The following MYH13 variants were observed in gnomAD, a reference collection of about 807,000 sequenced individuals.
MYH13 encodes myosin heavy chain 13.
Under a neutral mutation model 232.1 loss-of-function variants are expected in MYH13, and 177 were observed. The observed-to-expected ratio is 0.76, with a 90% CI of 0.67 to 0.86. MYH13 has a LOEUF of 0.86. MYH13 is among the 40% of genes least tolerant of loss of function. MYH13 has a pLI of 0.00. For missense variants in MYH13, 2,246 were observed against 2,405.9 expected, an observed-to-expected ratio of 0.93 and a Z score of 1.39; for synonymous variants, 884 against 923.5, an observed-to-expected ratio of 0.96 and a Z score of 0.78.
chr17:10,315,746 C>T lies in MYH13; in HGVS notation c.3931G>A (p.Ala1311Thr). ...AGCTCCTCCAGCTGCTGGGTGAGGG[C>T]CTGCTTGCTTTTGGTCAGCTGTGAA... ...LISQLTKSKQ[A>T]LTQQLEELKR... is the part of the protein sequence containing the mutation. Residue 1311 changes from alanine (A) to threonine (T), a missense_variant, in exon 29 of 41, where the codon GCC (alanine) becomes ACC (threonine). Physicochemically the swap from Ala to Thr is moderately conservative, Grantham distance 58. Coordinates refer to ENST00000252172, the MANE Select transcript of MYH13 (RefSeq NM_003802.3). The T allele has an allele frequency of 1.9e-6, 3 of 1,613,998 alleles. No homozygotes were observed. Among genetic ancestry groups the T allele is most frequent in the Non-Finnish European group, 2.5e-6 (3 of 1,179,898 alleles).
chr17:10,314,369 C>G (rs1174342936), intron 29 of MYH13, among the ~76,000 whole-genome samples: 1 of 150,212 alleles, frequency 6.7e-6, no homozygotes, highest in African/African-American at 2.5e-5. Flanking sequence ...GAGCCAAGAT[C>G]GAGCCATTGC....
intron 23 of MYH13, among the ~76,000 whole-genome samples, chr17:10,322,006 G>T (rs530563881): frequency 6.6e-6 from 1 of 152,078 alleles, no homozygotes; most frequent in Non-Finnish European, 1.5e-5. Flanking sequence ...ATCTATATTC[G>T]CTCATAATAT....
chr17:10,334,688 G>A (rs1438137892), intron 18 of MYH13, among the ~76,000 whole-genome samples: 3 of 152,054 alleles, frequency 2.0e-5, no homozygotes, highest in Non-Finnish European at 4.4e-5. Flanking sequence ...AGACCAGCCT[G>A]GCCAACATGG....
intron 13 of MYH13, 108 bp from the exon 14 acceptor site, chr17:10,345,724 G>C: frequency 6.3e-7 from 1 of 1,577,552 alleles, no homozygotes; most frequent in Non-Finnish European, 8.7e-7. Context: ...GCTAGGCGTG[G>C]TGGCTCACAC....
chr17:10,301,899 C>T (rs1267846956), intron 39 of MYH13, among the ~76,000 whole-genome samples, 196 bp from the exon 40 acceptor site: 1 of 152,206 alleles, frequency 6.6e-6, no homozygotes, highest in African/African-American at 2.4e-5. Flanking sequence ...CCTCGGATCA[C>T]CTTGCAGGTG....
At chr17:10,324,346 A>G in intron 22 of MYH13, 82 bp from the exon 23 acceptor site, 1 of 1,545,422 alleles carries the variant, frequency 6.5e-7, no homozygotes, top group Non-Finnish European at 8.8e-7. Context: ...CTAAAAGCTT[A>G]TTATCTACAC....
chr17:10,370,609 A>C (rs545383705), intron 2 of MYH13, among the ~76,000 whole-genome samples: 2 of 151,998 alleles, frequency 1.3e-5, no homozygotes, highest in Non-Finnish European at 2.9e-5. Flanking sequence ...GTACCATGAC[A>C]CTACTCTCAA....
At chr17:10,311,287 T>C in intron 32 of MYH13, 60 bp from the exon 33 acceptor site, 1 of 1,599,242 alleles carries the variant, frequency 6.3e-7, no homozygotes, top group Non-Finnish European at 8.5e-7. Flanking sequence ...AGTATAGGCA[T>C]TTGCCAGGCA....
chr17:10,350,090 C>T (rs1427930409), intron 12 of MYH13, among the ~76,000 whole-genome samples: 1 of 152,054 alleles, frequency 6.6e-6, no homozygotes, highest in African/African-American at 2.4e-5. Context: ...GGAGGAAGAA[C>T]CGTTCACCAT....
rs1329823809 is a variant in MYH13, at chr17:10,312,620, T to G, written c.4319A>C (p.His1440Pro). 1.2e-6 allele frequency: 2 copies of G among 1,613,438 alleles called. No homozygotes were observed. The highest frequency in any genetic ancestry group is 8.5e-7 in the Non-Finnish European group (1 of 1,179,724). The change falls in exon 31 of 41, where the codon CAC becomes CCC. Residue 1440 changes from histidine to proline, a missense_variant. By Grantham distance (77) the His-to-Pro change is moderately conservative (BLOSUM62 -2). Coordinates refer to ENST00000252172, the MANE Select transcript of MYH13 (RefSeq NM_003802.3). ...EDLMRDLERS[H>P]TACATLDKKQ... is the part of the protein sequence containing the mutation. ...CTTGTCCAGTGTGGCACAGGCGGTG[T>G]GGGAGCGCTCCAGATCCCGCATCAG...
chr17:10,323,951 C>A, intron 23 of MYH13, 71 bp downstream of exon 23: 3 of 1,574,116 alleles, frequency 1.9e-6, no homozygotes, highest in Non-Finnish European at 2.6e-6. Context: ...CTACGCCACC[C>A]TTTCTCCTCC....
Position 10,301,564 on chromosome 17 carries a change from C to G in MYH13, c.5802+5G>C. On this transcript the variant is annotated splice_donor_5th_base_variant and intron_variant, in intron 40 of 40. Coordinates refer to ENST00000252172, the MANE Select transcript of MYH13 (RefSeq NM_003802.3). ...GGCCCCTATATCTCAGGTACCTGCT[C>G]TTACCTGGCTGCCCACGTCTCGGCT... 1 of 1,614,168 alleles carries G rather than the reference C, an allele frequency of 6.2e-7. No homozygotes were observed. Among genetic ancestry groups the G allele is most frequent in the Non-Finnish European group, 8.5e-7 (1 of 1,180,004 alleles).
chr17:10,347,984 T>C (rs369264978), intron 12 of MYH13, among the ~76,000 whole-genome samples: 5 of 152,102 alleles, frequency 3.3e-5, no homozygotes, highest in Admixed American at 3.3e-4. Flanking sequence ...GTGCTGGGAT[T>C]ACAGGTGTGA....
chr17:10,372,336 C>T (rs2071883186), intron 1 of MYH13, among the ~76,000 whole-genome samples: 1 of 152,196 alleles, frequency 6.6e-6, no homozygotes, highest in African/African-American at 2.4e-5. Context: ...AGATTCCTTT[C>T]AGCCCTATGA....
At chr17:10,355,193 T>C (rs896289740) in intron 8 of MYH13, 46 bp from the exon 9 acceptor site, 7 of 1,543,556 alleles carry the variant, frequency 4.5e-6, no homozygotes, top group Non-Finnish European at 6.1e-6. Context: ...TTGATTTATA[T>C]GGTTTTGTGG....
rs759635353 is a variant in MYH13 at position 10,330,462 on chromosome 17, G to A, written c.2360C>T (p.Thr787Met). ...LEEMRDEKLV[T>M]LMTSTQAVCR... ...CACCGCCTGCGTGCTTGTCATCAGC[G>A]TCACCAGCTTCTCATCTCTCATCTC... Residue 787 changes from threonine to methionine, a missense_variant, in exon 21 of 41, where the codon ACG (threonine) becomes ATG (methionine). Thr to Met is a moderately conservative substitution (Grantham distance 81). Transcript: ENST00000252172. 1.9e-5 allele frequency: 31 copies of A among 1,612,770 alleles called. No homozygotes were observed. The highest frequency in any genetic ancestry group is 2.7e-5 in the African/African-American group (2 of 74,874).
At chr17:10,316,960 A>G (rs972104506) in intron 27 of MYH13, among the ~76,000 whole-genome samples, 2 of 152,238 alleles carry the variant, frequency 1.3e-5, no homozygotes, top group Non-Finnish European at 2.9e-5. Context: ...TCTCTTTGAG[A>G]AGATGACACG....
chr17:10,309,540 C>T lies in MYH13; in HGVS notation c.4947G>A (p.Thr1649=), dbSNP rs748478031. Residue 1649 remains threonine (T), a synonymous_variant, in exon 34 of 41, where the codon ACG becomes ACA. Transcript: ENST00000252172. The part of the protein sequence containing the change: ...QMAETQKHLR[T]VQGQLKDSQL... Reference sequence around the variant, plus strand: ...TGCTCACCTTGAGCTGGCCCTGGACCGTGCGCAGATGCTTCTGGGTCTCTG... The same window carrying T: ...TGCTCACCTTGAGCTGGCCCTGGACTGTGCGCAGATGCTTCTGGGTCTCTG... The T allele has an allele frequency of 5.0e-6, 8 of 1,610,440 alleles. No individual in the cohort carries two copies. The highest frequency in any genetic ancestry group is 2.2e-5 in the East Asian group (1 of 44,846).
chr17:10,301,492 G>C (rs562612341), intron 40 of MYH13, 77 bp downstream of exon 40: 3 of 1,584,826 alleles, frequency 1.9e-6, no homozygotes, highest in Non-Finnish European at 2.6e-6. Context: ...CCCACACTCA[G>C]GCATTCGCTC....
Sources: gnomAD v4.1 joint callset for allele counts (sites outside exome capture counted in the v4.1 genomes callset) on GRCh38, gnomAD v4.1.1 for gene constraint, MANE v1.5 for transcripts, NCBI Gene and HGNC (gene_info 2026-07-23, HGNC 2026-07-21) for gene names.